The following PDE1C variants were observed in gnomAD, a reference collection of about 807,000 sequenced individuals.
PDE1C encodes the protein dual specificity calcium/calmodulin-dependent 3',5'-cyclic nucleotide phosphodiesterase 1C.
In PDE1C, 62 loss-of-function variants were observed where a neutral mutation model predicts 93.1. That is an observed-to-expected ratio of 0.67 (90% CI 0.54 to 0.82). The LOEUF (loss-of-function observed/expected upper bound fraction) is 0.82. PDE1C is among the 40% of genes least tolerant of loss of function. PDE1C has a pLI of 0.00. For synonymous variants in PDE1C, 325 were observed against 310.1 expected (o/e 1.05, Z -0.50); for missense variants, 742 against 884.6 (o/e 0.84, Z 2.04).
the PDE1C span, among the ~76,000 whole-genome samples, chr7:31,625,819 C>CT: frequency 0.27 from 40,372 of 149,794 alleles, 5,913 homozygotes; most frequent in Non-Finnish European, 0.33. Flanking sequence ...CTTAGAATGT[C>CT]TTTTTTTTTA....
At chr7:32,275,559 C>G (rs1811225042) in intron 1 of PDE1C, among the ~76,000 whole-genome samples, 1 of 151,928 alleles carries the variant, frequency 6.6e-6, no homozygotes, top group Admixed American at 6.6e-5. Context: ...CAAATACCAG[C>G]AGCAGGAAAA....
At chr7:32,170,021 C>T in intron 2 of PDE1C, 1 of 1,406,030 alleles carries the variant, frequency 7.1e-7, no homozygotes, top group Non-Finnish European at 9.9e-7. Flanking sequence ...GTCCTGCCTT[C>T]CCCAACTCAG....
intron 9 of PDE1C, among the ~76,000 whole-genome samples, chr7:31,843,189 G>A (rs1277256976): frequency 6.6e-6 from 1 of 151,894 alleles, no homozygotes; most frequent in Non-Finnish European, 1.5e-5. Context: ...TTGTTGCATG[G>A]TGTTCTATAA....
At chr7:31,862,136 T>C (rs1478326599) in intron 7 of PDE1C, among the ~76,000 whole-genome samples, 1 of 152,208 alleles carries the variant, frequency 6.6e-6, no homozygotes, top group Non-Finnish European at 1.5e-5. Flanking sequence ...TATCTCAGCT[T>C]AAATACTATC....
At chr7:32,252,914 T>C (rs1809497288) in intron 1 of PDE1C, among the ~76,000 whole-genome samples, 1 of 152,246 alleles carries the variant, frequency 6.6e-6, no homozygotes, top group Non-Finnish European at 1.5e-5. Flanking sequence ...TTTGTGTCCC[T>C]TCTCATGGCC....
chr7:31,856,863 G>A (rs1469527107), intron 7 of PDE1C, among the ~76,000 whole-genome samples: 2 of 152,074 alleles, frequency 1.3e-5, no homozygotes, highest in South Asian at 2.1e-4. Flanking sequence ...ATTTTCTCAC[G>A]TTTCTGGAGG....
chr7:31,677,747 G>A, the PDE1C span, among the ~76,000 whole-genome samples: 1 of 152,066 alleles, frequency 6.6e-6, no homozygotes, highest in Non-Finnish European at 1.5e-5. Context: ...GCCAGCTATG[G>A]CATTTCCTCA....
chr7:31,642,299 C>G, the PDE1C span: 1 of 1,323,976 alleles, frequency 7.6e-7, no homozygotes, highest in Non-Finnish European at 1.1e-6. Flanking sequence ...TCATCCCTAA[C>G]ATCCCACTTC....
At position 32,336,121 on chromosome 7, in the gene PDE1C, T is replaced by C. The variant is rs77116281; in HGVS notation, c.310+91701A>G. Among the ~76,000 whole-genome samples, 259 of 152,296 alleles carry C rather than the reference T, an allele frequency of 1.7e-3. 9 individuals are homozygous for C. In the East Asian group the frequency reaches 0.047, roughly 28 times the overall value. ...CAAGTTCCTATCAAGGAAATGAGCATAGAAAGTGGAAAGAAATGGATCTAA... is the reference window on the plus strand; with the variant it reads ...CAAGTTCCTATCAAGGAAATGAGCACAGAAAGTGGAAAGAAATGGATCTAA... On this transcript the variant is annotated intron_variant, in intron 1 of 1. Transcript: ENST00000672256.
At chr7:32,417,688 AT>A (rs1208355371) in intron 1 of PDE1C, among the ~76,000 whole-genome samples, 3 of 149,904 alleles carry the variant, frequency 2.0e-5, no homozygotes, top group Non-Finnish European at 4.4e-5. Context: ...AAAAAAAAAA[AT>A]CATACTGTGC....
At chr7:32,416,333 G>A (rs1342792998) in intron 1 of PDE1C, among the ~76,000 whole-genome samples, 10 of 152,102 alleles carry the variant, frequency 6.6e-5, no homozygotes, top group Admixed American at 5.2e-4. Flanking sequence ...CGGGACTCTG[G>A]GCACTCCCTG....
chr7:31,778,830 G>T (rs1326050713), intron 16 of PDE1C, among the ~76,000 whole-genome samples: 1 of 152,096 alleles, frequency 6.6e-6, no homozygotes, highest in Non-Finnish European at 1.5e-5. Context: ...GACAATTTTT[G>T]TCTCCAAACA....
At chr7:31,773,702 C>A (rs774968262) in intron 17 of PDE1C, among the ~76,000 whole-genome samples, 1 of 151,998 alleles carries the variant, frequency 6.6e-6, no homozygotes, top group Non-Finnish European at 1.5e-5. Context: ...TCTGTGTAGT[C>A]GTAAACTAAA....
At chr7:31,813,260 A>G (rs1462814090) in intron 15 of PDE1C, among the ~76,000 whole-genome samples, 1 of 152,088 alleles carries the variant, frequency 6.6e-6, no homozygotes, top group Admixed American at 6.6e-5. Context: ...GAGCATGCAC[A>G]GCCCGGCCCA....
At chr7:31,732,259 G>A in the PDE1C span, among the ~76,000 whole-genome samples, 2 of 152,258 alleles carry the variant, frequency 1.3e-5, no homozygotes, top group East Asian at 1.9e-4. Flanking sequence ...ATTTTTGAGG[G>A]CTTCAGTCAT....
chr7:31,690,720 C>T, the PDE1C span, among the ~76,000 whole-genome samples: 7 of 152,172 alleles, frequency 4.6e-5, no homozygotes, highest in Admixed American at 1.3e-4. Context: ...TTTCAAGGGT[C>T]GGGGAGAAGG....
At chr7:32,426,570 C>CAGAT (rs1303423282) in intron 1 of PDE1C, among the ~76,000 whole-genome samples, 1 of 152,104 alleles carries the variant, frequency 6.6e-6, no homozygotes. Flanking sequence ...TTTAAAAGAG[C>CAGAT]AGATTGTACA....
chr7:32,335,983 C>G (rs73089975), intron 1 of PDE1C, among the ~76,000 whole-genome samples: 1 of 152,120 alleles, frequency 6.6e-6, no homozygotes, highest in African/African-American at 2.4e-5. Context: ...AGTCACCACA[C>G]CTGGCCTTAA....
At chr7:32,342,286 A>T (rs1267742601) in intron 1 of PDE1C, among the ~76,000 whole-genome samples, 1 of 152,216 alleles carries the variant, frequency 6.6e-6, no homozygotes, top group Non-Finnish European at 1.5e-5. Context: ...GACACGCAGA[A>T]TTTTATATGT....
Sources: allele counts gnomAD v4.1 joint callset (sites outside exome capture counted in the v4.1 genomes callset), GRCh38; gene constraint gnomAD v4.1.1; transcripts MANE v1.5; gene names NCBI Gene and HGNC (gene_info 2026-07-23, HGNC 2026-07-21).